Variants in POM121 observed in about 807,000 individuals in gnomAD.
The protein encoded by POM121 is POM121 transmembrane nucleoporin.
Under a neutral mutation model 81.3 loss-of-function variants are expected in POM121, and 32 were observed. That is an observed-to-expected ratio of 0.39 (90% CI 0.30 to 0.53). The LOEUF (loss-of-function observed/expected upper bound fraction) is 0.53, where lower values mean the gene tolerates loss of function less well. Ranked by LOEUF, POM121 falls within the 20% of genes least tolerant of loss-of-function variation. The probability of loss-of-function intolerance (pLI) is 0.66; values close to 1 mark genes in which losing one functional copy is unlikely to be tolerated. For missense variants in POM121, 1,138 were observed against 1,614.6 expected, an observed-to-expected ratio of 0.70 and a Z score of 5.06; for synonymous variants, 514 against 694.2, an observed-to-expected ratio of 0.74 and a Z score of 4.08.
intron 3 of POM121, among the ~76,000 whole-genome samples, chr7:72,895,238 C>G (rs1164897097): frequency 6.6e-6 from 1 of 152,192 alleles, no homozygotes; most frequent in Non-Finnish European, 1.5e-5. Flanking sequence ...CATGTGAGGA[C>G]TGCATTTCAT....
Position 72,946,587 on chromosome 7 carries a change from G to C in POM121, c.*353G>C. 1 of 1,040,120 alleles carries C rather than the reference G, an allele frequency of 9.6e-7. No homozygotes were observed. Among genetic ancestry groups the C allele is most frequent in the Middle Eastern group, 4.6e-4 (1 of 2,182 alleles). The allele number at this position is 1,040,120 out of a possible 1,614,324, so 64.4% of individuals were successfully genotyped here. On this transcript the variant is annotated 3_prime_UTR_variant, in exon 13 of 13. Coordinates refer to ENST00000434423, the MANE Select transcript of POM121 (RefSeq NM_001387691.1). ...CCTTCCACCTTTCCCCGAGACCGTC[G>C]TCGCTGGAGGGGGCAGGGTCCAGCC...
rs1238651319 is a variant in POM121, at chr7:72,925,107, C to G, written c.-15C>G. The G allele has an allele frequency of 7.1e-6, 10 of 1,398,838 alleles. No individual in the cohort carries two copies. Among genetic ancestry groups the G allele is most frequent in the African/African-American group, 1.5e-5 (1 of 65,458 alleles). 86.7% of individuals were successfully genotyped at this position (1,398,838 alleles called of 1,614,324 possible). ...CGCTGGGATATTTAAGTCTCCTCCGCGGCGCGGAGCCGCGATGTCTCCGGC... is the reference window on the plus strand; with the variant it reads ...CGCTGGGATATTTAAGTCTCCTCCGGGGCGCGGAGCCGCGATGTCTCCGGC... On this transcript the variant is annotated 5_prime_UTR_variant, in exon 1 of 13. Transcript: ENST00000434423.
At chr7:72,894,397 G>A (rs2129575033) in intron 3 of POM121, among the ~76,000 whole-genome samples, 1 of 151,922 alleles carries the variant, frequency 6.6e-6, no homozygotes, top group Admixed American at 6.6e-5. Flanking sequence ...GGTCAACATG[G>A]TGAAACCCCG....
downstream of POM121, chr7:72,949,648 C>T (rs1410070289): frequency 3.0e-5 from 20 of 656,506 alleles, no homozygotes; most frequent in Admixed American, 1.4e-4. Flanking sequence ...AGGTAACTGG[C>T]CTGGGGTCTC....
chr7:72,910,158 T>G (rs1479728831), intron 3 of POM121, among the ~76,000 whole-genome samples: 3 of 152,250 alleles, frequency 2.0e-5, no homozygotes, highest in Non-Finnish European at 4.4e-5. Context: ...CTTTTGAGAC[T>G]GAAGTAAATC....
chr7:72,946,449 G>T lies in POM121; in HGVS notation c.*215G>T, dbSNP rs1797699059. ...GGGAAGCAGGATGCGGAGGGCCAAA[G>T]CCCGGGACCTCTACTTGAACAGTTC... On this transcript the variant is annotated 3_prime_UTR_variant, in exon 13 of 13. Coordinates refer to ENST00000434423, the MANE Select transcript of POM121 (RefSeq NM_001387691.1). 1.1e-5 allele frequency: 15 copies of T among 1,399,588 alleles called. No individual in the cohort carries two copies. The highest frequency in any genetic ancestry group is 2.7e-4 in the Middle Eastern group (1 of 3,714). The allele number at this position is 1,399,588 out of a possible 1,614,324, so 86.7% of individuals were successfully genotyped here. A position where few individuals can be genotyped will look rare whatever the true frequency, so the allele number is the denominator to read the frequency against.
chr7:72,879,541 C>A (rs1174871562), exon 1 of POM121: 1 of 265,790 alleles, frequency 3.8e-6, no homozygotes, highest in Non-Finnish European at 7.4e-6. Flanking sequence ...GAGCCGGGAC[C>A]CCCGAGCGTG....
At chr7:72,915,307 C>T (rs558958719) in intron 4 of POM121, among the ~76,000 whole-genome samples, 3 of 152,266 alleles carry the variant, frequency 2.0e-5, no homozygotes, top group Admixed American at 1.3e-4. Context: ...CAGTGCCTAG[C>T]ATATTACCTG....
chr7:72,923,114 C>CT (rs1491401753), upstream of POM121, among the ~76,000 whole-genome samples: 127 of 59,782 alleles, frequency 2.1e-3, no homozygotes, highest in African/African-American at 8.9e-3. Flanking sequence ...TCCCCCCCAA[C>CT]CCCCCCCCCC....
chr7:72,901,358 ATT>A (rs560513151), intron 3 of POM121, among the ~76,000 whole-genome samples: 4 of 138,182 alleles, frequency 2.9e-5, no homozygotes, highest in Non-Finnish European at 3.2e-5. Context: ...ACTCAGGCTA[ATT>A]TTTTTTTTTT....
chr7:72,925,044 T>TAGAGGGCGCGCGATGACGC, upstream of POM121: 1 of 1,347,958 alleles, frequency 7.4e-7, no homozygotes, highest in Non-Finnish European at 9.5e-7. Context: ...GCGCATGACG[T>TAGAGGGCGCGCGATGACGC]AGAGGGCGCG....
intron 3 of POM121, among the ~76,000 whole-genome samples, chr7:72,892,020 C>T (rs1554490977): frequency 6.6e-6 from 1 of 152,178 alleles, no homozygotes; most frequent in Non-Finnish European, 1.5e-5. Context: ...TATGACCTGT[C>T]TGTGTGTTCA....
exon 1 of POM121, chr7:72,879,855 C>T (rs1297344399): frequency 1.9e-6 from 1 of 512,974 alleles, no homozygotes. Flanking sequence ...TCTCGGGAGC[C>T]GTGGGGCAGA....
intron 11 of POM121, among the ~76,000 whole-genome samples, chr7:72,944,544 G>T (rs1554502720): frequency 6.6e-6 from 1 of 152,188 alleles, no homozygotes; most frequent in Admixed American, 6.5e-5. Flanking sequence ...AGGCCAGTTA[G>T]CATGGCATGT....
chr7:72,882,530 T>G (rs1208460634), intron 1 of POM121, among the ~76,000 whole-genome samples: 26 of 152,226 alleles, frequency 1.7e-4, no homozygotes, highest in Admixed American at 1.3e-4. Flanking sequence ...AATTGCTGAC[T>G]TATGGCTTAT....
At chr7:72,889,782 T>G (rs1296014393) in intron 1 of POM121, among the ~76,000 whole-genome samples, 1 of 152,160 alleles carries the variant, frequency 6.6e-6, no homozygotes, top group African/African-American at 2.4e-5. Context: ...CCTCCCAAAG[T>G]GCTAGGATTA....
intron 11 of POM121, among the ~76,000 whole-genome samples, chr7:72,943,859 G>A (rs1797389930): frequency 6.6e-6 from 1 of 152,214 alleles, no homozygotes; most frequent in African/African-American, 2.4e-5. Context: ...ACAACTTGGC[G>A]AAACCCTGTC....
At position 72,947,822 on chromosome 7, in the gene POM121, T is replaced by C. The variant is rs538328743; in HGVS notation, c.*1588T>C. On this transcript the variant is annotated 3_prime_UTR_variant, in exon 13 of 13. Transcript: ENST00000434423. ...AATGTAATTCTTATTTTATAAATAA[T>C]GTGATGTAAATGTAACTGGTGCCCC... 3.5e-5 allele frequency: 34 copies of C among 965,480 alleles called. 1 individual carries two copies. The East Asian group carries it at 1.8e-3, about 52-fold the overall frequency. The allele number at this position is 965,480 out of a possible 1,614,324, so 59.8% of individuals were successfully genotyped here. A position where few individuals can be genotyped will look rare whatever the true frequency, so the allele number is the denominator to read the frequency against.
intron 3 of POM121, among the ~76,000 whole-genome samples, chr7:72,903,842 C>A (rs1792955497): frequency 6.6e-6 from 1 of 152,190 alleles, no homozygotes; most frequent in Non-Finnish European, 1.5e-5. Flanking sequence ...AGTGCAGTGG[C>A]ACGATCTCGG....
Sources: allele counts gnomAD v4.1 joint callset (sites outside exome capture counted in the v4.1 genomes callset), GRCh38; gene constraint gnomAD v4.1.1; transcripts MANE v1.5; gene names NCBI Gene and HGNC (gene_info 2026-07-23, HGNC 2026-07-21).